ERCC6L2: variants seen among roughly 807,000 people sequenced by gnomAD.
ERCC6L2 encodes DNA excision repair protein ERCC-6-like 2.
ERCC6L2 carries 77 observed loss-of-function variants against 132.0 expected under a neutral mutation model. That is an observed-to-expected ratio of 0.58 (90% CI 0.49 to 0.71). The LOEUF is 0.71. Ranked by LOEUF, ERCC6L2 falls within the 30% of genes least tolerant of loss-of-function variation. The pLI is 0.00. For synonymous variants in ERCC6L2, 583 were observed against 632.4 expected, an observed-to-expected ratio of 0.92 and a Z score of 1.17; for missense variants, 1,542 against 1,837.6, an observed-to-expected ratio of 0.84 and a Z score of 2.94.
intron 17 of ERCC6L2, among the ~76,000 whole-genome samples, chr9:96,004,018 C>G (rs1460080411): frequency 6.6e-6 from 1 of 152,166 alleles, no homozygotes; most frequent in Non-Finnish European, 1.5e-5. Context: ...ATCTCAAAAT[C>G]ACTAAATATT....
chr9:96,021,212 C>T (rs1407254958), downstream of ERCC6L2: 1 of 350,204 alleles, frequency 2.9e-6, no homozygotes, highest in Non-Finnish European at 5.6e-6. The surrounding 1 kb of genome is among the most constrained non-coding windows in gnomAD (Gnocchi z 4.7). Context: ...AGGGCACCCG[C>T]GGCGGGGCCC....
chr9:95,997,303 T>G (rs1833504392), intron 17 of ERCC6L2, among the ~76,000 whole-genome samples: 2 of 152,202 alleles, frequency 1.3e-5, no homozygotes, highest in Non-Finnish European at 2.9e-5. Flanking sequence ...TTCAAGACTT[T>G]AGTGGGGGAA....
chr9:95,972,373 T>G lies in ERCC6L2; in HGVS notation c.2622T>G (p.Ile874Met). 1 of 1,281,314 alleles carries G rather than the reference T, an allele frequency of 7.8e-7. No homozygotes were observed. The highest frequency in any genetic ancestry group is 1.0e-6 in the Non-Finnish European group (1 of 984,456). 79.4% of individuals were successfully genotyped at this position (1,281,314 alleles called of 1,614,324 possible). The change falls in exon 16 of 19, where the codon ATT becomes ATG. Residue 874 changes from isoleucine to methionine, a missense_variant. Around this residue, in one of 4 missense-constraint regions of ERCC6L2, gnomAD observed 945 missense variants for 1,105.2 expected, o/e 0.86. Transcript: ENST00000653738. Reference protein sequence around the residue: ...YKSEKILEQNISSKSDEKKIK... With the variant: ...YKSEKILEQNMSSKSDEKKIK... ...GTGAGAAGATTTTAGAACAGAATAT[T>G]TCTTCCAAGTCTGACGAGAAAAAAA...
Position 96,014,366 on chromosome 9 carries a change from C to T in ERCC6L2, c.*1163C>T, listed in dbSNP as rs1462760968. The T allele has an allele frequency of 1.3e-5, 2 of 152,120 alleles. No homozygotes were observed. Among genetic ancestry groups the T allele is most frequent in the Admixed American group, 6.5e-5 (1 of 15,282 alleles). 9.4% of individuals were successfully genotyped at this position (152,120 alleles called of 1,614,324 possible). A position where few individuals can be genotyped will look rare whatever the true frequency, so the allele number is the denominator to read the frequency against. On this transcript the variant is annotated 3_prime_UTR_variant, in exon 19 of 19. Transcript: ENST00000653738. Reference sequence around the variant, plus strand: ...TATCAAGTTGAGGAGAGAGGGCTTCCGTGTACTCAGGATGTAGAGTCATTG... The same window carrying T: ...TATCAAGTTGAGGAGAGAGGGCTTCTGTGTACTCAGGATGTAGAGTCATTG...
Position 95,953,769 on chromosome 9 carries a change from T to C in ERCC6L2, c.1848-2145T>C, listed in dbSNP as rs147897908. Among the ~76,000 whole-genome samples the C allele has an allele frequency of 9.4e-3, 1,430 of 152,150 alleles. 28 individuals are homozygous for C. The highest frequency in any genetic ancestry group is 0.033 in the African/African-American group (1,358 of 41,536). On this transcript the variant is annotated intron_variant, in intron 12 of 18. Coordinates refer to ENST00000653738, the MANE Select transcript of ERCC6L2 (RefSeq NM_020207.7). ...TATTAAGATAAAAATAAGAACATAATATAAATTGTAACTAATTCATTGAAA... is the reference window on the plus strand; with the variant it reads ...TATTAAGATAAAAATAAGAACATAACATAAATTGTAACTAATTCATTGAAA...
At chr9:95,958,398 A>G (rs564373781) in intron 13 of ERCC6L2, among the ~76,000 whole-genome samples, 79 of 152,184 alleles carry the variant, frequency 5.2e-4, no homozygotes, top group Admixed American at 1.3e-3. Flanking sequence ...GTCAAATGGT[A>G]TTTCTAGTTC....
intron 12 of ERCC6L2, among the ~76,000 whole-genome samples, chr9:95,945,292 C>T (rs954070379): frequency 2.6e-5 from 4 of 152,210 alleles, no homozygotes; most frequent in African/African-American, 9.7e-5. Context: ...CTCTGTTCCA[C>T]CCGGCTCACT....
intron 1 of ERCC6L2, among the ~76,000 whole-genome samples, chr9:95,879,978 C>T (rs116980962): frequency 0.024 from 3,716 of 152,160 alleles, 69 homozygotes; most frequent in Middle Eastern, 0.051. Context: ...TTATTTGATA[C>T]TTTTTAATTG....
chr9:96,026,623 T>C (rs909184340), intron 19 of ERCC6L2, among the ~76,000 whole-genome samples: 1 of 140,804 alleles, frequency 7.1e-6, no homozygotes, highest in African/African-American at 2.7e-5. Flanking sequence ...CACACCACAC[T>C]ATACACACCA....
intron 18 of ERCC6L2, among the ~76,000 whole-genome samples, chr9:96,008,077 G>A (rs767320054): frequency 6.6e-6 from 1 of 152,102 alleles, no homozygotes; most frequent in Non-Finnish European, 1.5e-5. Context: ...AGAACAGATC[G>A]GCAACAAGGA....
intron 12 of ERCC6L2, among the ~76,000 whole-genome samples, chr9:95,951,737 G>T (rs1172866553): frequency 6.9e-6 from 1 of 144,694 alleles, no homozygotes; most frequent in Admixed American, 7.0e-5. Context: ...AACCTAGGAA[G>T]AATGTCATGA....
At chr9:95,916,684 C>CTTT (rs1360979308) in intron 6 of ERCC6L2, among the ~76,000 whole-genome samples, 2 of 137,318 alleles carry the variant, frequency 1.5e-5, no homozygotes, top group African/African-American at 2.7e-5. Flanking sequence ...TCATCAAAAC[C>CTTT]TTTTTTTTTT....
intron 12 of ERCC6L2, among the ~76,000 whole-genome samples, chr9:95,950,154 A>G (rs1364431828): frequency 6.6e-6 from 1 of 152,190 alleles, no homozygotes; most frequent in Non-Finnish European, 1.5e-5. Context: ...CCAGTATCGT[A>G]ATTTTGGCTT....
At chr9:96,029,311 A>AC (rs1016934496) in intron 19 of ERCC6L2, among the ~76,000 whole-genome samples, 1 of 150,732 alleles carries the variant, frequency 6.6e-6, no homozygotes, top group East Asian at 2.0e-4. Context: ...CTCAAAAAAA[A>AC]AAAAAAAAAA....
At chr9:95,951,696 A>G (rs186615553) in intron 12 of ERCC6L2, among the ~76,000 whole-genome samples, 1 of 152,326 alleles carries the variant, frequency 6.6e-6, no homozygotes, top group African/African-American at 2.4e-5. Context: ...TGAATAGTCT[A>G]CGTGAAATGG....
At chr9:95,980,937 C>T (rs910350486) in intron 17 of ERCC6L2, among the ~76,000 whole-genome samples, 31 of 152,118 alleles carry the variant, frequency 2.0e-4, no homozygotes, top group African/African-American at 7.0e-4. Flanking sequence ...CTGGTAATTC[C>T]TCTGAGTGCT....
intron 1 of ERCC6L2, among the ~76,000 whole-genome samples, chr9:95,879,605 T>A (rs1827482576): frequency 6.6e-6 from 1 of 152,194 alleles, no homozygotes; most frequent in Admixed American, 6.5e-5. Flanking sequence ...GTGTAACAGT[T>A]GTCAACAGTT....
intron 20 of ERCC6L2, among the ~76,000 whole-genome samples, chr9:96,040,686 G>A (rs1286931804): frequency 1.3e-5 from 2 of 152,248 alleles, no homozygotes; most frequent in South Asian, 2.1e-4. Context: ...CGTGGCCCAT[G>A]GCCACACCTC....
intron 19 of ERCC6L2, among the ~76,000 whole-genome samples, chr9:96,031,076 T>G (rs1236794858): frequency 6.6e-6 from 1 of 152,176 alleles, no homozygotes; most frequent in Non-Finnish European, 1.5e-5. Flanking sequence ...CCGGACACAT[T>G]TTAAAGCACT....
Sources: allele counts gnomAD v4.1 joint callset (sites outside exome capture counted in the v4.1 genomes callset), GRCh38; gene constraint gnomAD v4.1.1; regional missense constraint gnomAD v4.1.1; non-coding constraint Gnocchi (gnomAD v3.1); transcripts MANE v1.5; gene names NCBI Gene and HGNC (gene_info 2026-07-23, HGNC 2026-07-21).